SPRED1: variants seen among roughly 807,000 people sequenced by gnomAD.
SPRED1 encodes sprouty related EVH1 domain containing 1.
In SPRED1, 18 loss-of-function variants were observed where a neutral mutation model predicts 52.3. The observed-to-expected ratio is 0.34, with a 90% CI of 0.24 to 0.51. The LOEUF (loss-of-function observed/expected upper bound fraction) is 0.51, where lower values mean the gene tolerates loss of function less well. SPRED1 is among the 20% of genes least tolerant of loss of function. SPRED1 has a pLI of 0.97. For synonymous variants in SPRED1, 155 were observed against 179.7 expected, an observed-to-expected ratio of 0.86 and a Z score of 1.10; for missense variants, 485 against 551.0, an observed-to-expected ratio of 0.88 and a Z score of 1.20.
At position 38,297,058 on chromosome 15, in the gene SPRED1, A is replaced by G. The variant is rs566268275; in HGVS notation, c.33-2315A>G. ...GTGGAGATTGGCCTCTTTCCAGACAATGAACCTACTGGTGCCTTGATCTTG... is the reference window on the plus strand; with the variant it reads ...GTGGAGATTGGCCTCTTTCCAGACAGTGAACCTACTGGTGCCTTGATCTTG... On this transcript the variant is annotated intron_variant, in intron 1 of 6. Transcript: ENST00000299084. 3.4e-4 allele frequency among the ~76,000 whole-genome samples: 51 copies of G among 152,210 alleles called. 1 individual carries two copies. In the South Asian group the frequency reaches 0.011, roughly 32 times the overall value.
At chr15:38,315,818 G>A (rs911500959) in intron 2 of SPRED1, among the ~76,000 whole-genome samples, 1 of 151,876 alleles carries the variant, frequency 6.6e-6, no homozygotes, top group Non-Finnish European at 1.5e-5. Flanking sequence ...AACCTATTGT[G>A]GGGTAGTGGC....
In SPRED1 at chr15:38,338,110, G is replaced by T. The variant is rs11632707; in HGVS notation, c.424-1627G>T. On this transcript the variant is annotated intron_variant, in intron 4 of 6. Coordinates refer to ENST00000299084, the MANE Select transcript of SPRED1 (RefSeq NM_152594.3). ...TCCTGTAATCTCAGCTACTCAGGAG[G>T]CTGAGGCAGAGAATTGCTTGAACCT... Among the ~76,000 whole-genome samples, 700 of 150,892 alleles carry T rather than the reference G, an allele frequency of 4.6e-3. 1 individual carries two copies. The highest frequency in any genetic ancestry group is 0.01 in the Middle Eastern group (3 of 288).
chr15:38,334,025 G>A (rs986865948), intron 4 of SPRED1, among the ~76,000 whole-genome samples: 11 of 152,014 alleles, frequency 7.2e-5, no homozygotes, highest in African/African-American at 2.7e-4. Context: ...GTTAACCCAT[G>A]TAAAGTAGTT....
At chr15:38,307,127 G>T (rs1353737154) in intron 2 of SPRED1, among the ~76,000 whole-genome samples, 1 of 152,118 alleles carries the variant, frequency 6.6e-6, no homozygotes, top group Non-Finnish European at 1.5e-5. Context: ...ATACTTATTA[G>T]CTTTCCAAAT....
chr15:38,315,642 T>C (rs2140989886), intron 2 of SPRED1, among the ~76,000 whole-genome samples: 1 of 152,008 alleles, frequency 6.6e-6, no homozygotes, highest in Admixed American at 6.6e-5. Context: ...GGGTTGGAGA[T>C]TGAAGCATTT....
At chr15:38,324,656 C>T (rs1895674045) in intron 3 of SPRED1, 107 bp from the exon 4 acceptor site, 3 of 880,994 alleles carry the variant, frequency 3.4e-6, no homozygotes, top group Non-Finnish European at 5.4e-6. Flanking sequence ...CCAGAAAGAT[C>T]TCTGATTAGT....
At chr15:38,273,404 G>A (rs1418062252) in intron 1 of SPRED1, among the ~76,000 whole-genome samples, 5 of 151,916 alleles carry the variant, frequency 3.3e-5, no homozygotes, top group Admixed American at 6.6e-5. Flanking sequence ...ATGATAGATT[G>A]TGTAAGAAGG....
intron 1 of SPRED1, among the ~76,000 whole-genome samples, chr15:38,274,688 G>C (rs985763523): frequency 2.6e-5 from 4 of 152,134 alleles, no homozygotes; most frequent in Non-Finnish European, 4.4e-5. Context: ...TCCAGTTCAG[G>C]ATATGATAAA....
At chr15:38,330,776 A>G (rs1041579852) in intron 4 of SPRED1, among the ~76,000 whole-genome samples, 4 of 152,112 alleles carry the variant, frequency 2.6e-5, no homozygotes, top group African/African-American at 9.7e-5. Context: ...CAAACCTGTA[A>G]TTTGTGATTT....
At chr15:38,331,188 G>A (rs1313893307) in intron 4 of SPRED1, among the ~76,000 whole-genome samples, 1 of 152,058 alleles carries the variant, frequency 6.6e-6, no homozygotes, top group African/African-American at 2.4e-5. Flanking sequence ...CTATTGGCAT[G>A]GGTTACTTTG....
intron 5 of SPRED1, among the ~76,000 whole-genome samples, chr15:38,345,892 A>C (rs1435402537): frequency 6.6e-6 from 1 of 152,168 alleles, no homozygotes; most frequent in Non-Finnish European, 1.5e-5. Flanking sequence ...AGTCTAAAAC[A>C]AAAGGCCGAT....
At position 38,351,291 on chromosome 15, in the gene SPRED1, AGAAGTC is replaced by A. The variant is rs749692794; in HGVS notation, c.963_968del (p.Ser323_Lys324del). ...ACGCAGCCTTCCTCATTAAAAATTAAGAAGTCAAAACGAAGAAAAGAGGATGGTGAA... is the reference window on the plus strand; with the variant it reads ...ACGCAGCCTTCCTCATTAAAAATTAAAAAACGAAGAAAAGAGGATGGTGAA... On this transcript the variant is annotated inframe_deletion, in exon 7 of 7. Transcript: ENST00000299084. The A allele has an allele frequency of 6.2e-7, 1 of 1,614,174 alleles. No homozygotes were observed. Among genetic ancestry groups the A allele is most frequent in the Non-Finnish European group, 8.5e-7 (1 of 1,180,016 alleles).
chr15:38,288,922 A>C (rs1267169006), intron 1 of SPRED1, among the ~76,000 whole-genome samples: 1 of 152,184 alleles, frequency 6.6e-6, no homozygotes, highest in Non-Finnish European at 1.5e-5. Context: ...ATTTTACAGC[A>C]ACAAATTTTC....
intron 4 of SPRED1, among the ~76,000 whole-genome samples, chr15:38,331,977 A>G (rs1186945102): frequency 3.3e-5 from 5 of 152,204 alleles, no homozygotes; most frequent in Admixed American, 2.0e-4. Flanking sequence ...TAATCAGAGT[A>G]TTAGCTAAGT....
intron 5 of SPRED1, among the ~76,000 whole-genome samples, chr15:38,341,679 G>GT (rs761119304): frequency 8.6e-5 from 13 of 151,776 alleles, no homozygotes; most frequent in Non-Finnish European, 1.8e-4. Context: ...GGGTTTTCTG[G>GT]TTTTCTCTTT....
chr15:38,322,141 TA>T, intron 2 of SPRED1, 99 bp from the exon 3 acceptor site: 10 of 1,160,134 alleles, frequency 8.6e-6, no homozygotes, highest in Non-Finnish European at 1.3e-5. Context: ...AATTATTCAT[TA>T]AAAAGTAATA....
rs778847063 is a variant in SPRED1, at chr15:38,299,474, T to G, written c.134T>G (p.Phe45Cys). The change falls in exon 2 of 7, where the codon TTC becomes TGC. Residue 45 changes from phenylalanine to cysteine, a missense_variant. Physicochemically the swap from Phe to Cys is radical, Grantham distance 205. Transcript: ENST00000299084. ...AGTGGACTAAGCAGCGTCACTGTCTTCAAAGTCCCTCATCAGGAAGAGAAT... is the reference window on the plus strand; with the variant it reads ...AGTGGACTAAGCAGCGTCACTGTCTGCAAAGTCCCTCATCAGGAAGAGAAT... ...GGSGLSSVTV[F>C]KVPHQEENGC... is the part of the protein sequence containing the mutation. 3 of 1,614,054 alleles carry G rather than the reference T, an allele frequency of 1.9e-6. No homozygotes were observed. Among genetic ancestry groups the G allele is most frequent in the Non-Finnish European group, 2.5e-6 (3 of 1,179,950 alleles).
In SPRED1 at chr15:38,351,533, T is replaced by C. The variant is rs759969513; in HGVS notation, c.1204T>C (p.Leu402=). The C allele has an allele frequency of 6.2e-7, 1 of 1,614,154 alleles. No homozygotes were observed. The highest frequency in any genetic ancestry group is 1.1e-5 in the South Asian group (1 of 91,074). ...SCDTSDDKFC[L]RWLALVALSF... is the part of the protein sequence containing the mutation. ...TGACACTAGCGACGACAAGTTCTGC[T>C]TGCGATGGTTAGCCCTGGTAGCTTT... Residue 402 remains leucine (L), a synonymous_variant, in exon 7 of 7, where the codon TTG becomes CTG. Transcript: ENST00000299084.
chr15:38,324,112 G>T (rs1443430635), intron 3 of SPRED1, among the ~76,000 whole-genome samples: 1 of 152,136 alleles, frequency 6.6e-6, no homozygotes, highest in Non-Finnish European at 1.5e-5. Flanking sequence ...TTTCCAAAGG[G>T]CGCATTTCTT....
Sources: allele counts gnomAD v4.1 joint callset (sites outside exome capture counted in the v4.1 genomes callset), GRCh38; gene constraint gnomAD v4.1.1; transcripts MANE v1.5; gene names NCBI Gene and HGNC (gene_info 2026-07-23, HGNC 2026-07-21).